The following KRT1 variants were observed in gnomAD, a reference collection of about 807,000 sequenced individuals.
KRT1 encodes keratin 1.
A neutral mutation model predicts 51.6 loss-of-function variants in KRT1; 28 were observed. The ratio of observed to expected loss-of-function variants is 0.54; its 90% CI spans 0.40 to 0.74. The LOEUF is 0.74. Ranked by LOEUF, KRT1 falls within the 30% of genes least tolerant of loss-of-function variation. The pLI is 0.00. For missense variants in KRT1, 783 were observed against 815.5 expected (o/e 0.96, Z 0.49); for synonymous variants, 301 against 307.7 (o/e 0.98, Z 0.23).
chr12:52,677,707 C>T lies in KRT1; in HGVS notation c.906G>A (p.Gln302=). The change falls in exon 4 of 9, where the codon CAG becomes CAA. Residue 302 remains glutamine, a synonymous_variant. Transcript: ENST00000252244. Reference sequence around the variant, plus strand: ...CCTGCTGCAAGTTGTCAAGTTTGGCCTGAAGGTCCACCTTGGTCATATAAG... The same window carrying T: ...CCTGCTGCAAGTTGTCAAGTTTGGCTTGAAGGTCCACCTTGGTCATATAAG... The part of the protein sequence containing the change: ...DGAYMTKVDL[Q]AKLDNLQQEI... 1 of 1,614,178 alleles carries T rather than the reference C, an allele frequency of 6.2e-7. No individual in the cohort carries two copies. Among genetic ancestry groups the T allele is most frequent in the African/African-American group, 1.3e-5 (1 of 75,036 alleles).
chr12:52,677,419 T>C lies in KRT1; in HGVS notation c.1025A>G (p.Asn342Ser). 6.2e-7 allele frequency: 1 copy of C among 1,614,242 alleles called. No individual in the cohort carries two copies. Among genetic ancestry groups the C allele is most frequent in the Non-Finnish European group, 8.5e-7 (1 of 1,180,044 alleles). Residue 342 changes from asparagine to serine, a missense_variant, in exon 5 of 9, where the codon AAC (asparagine) becomes AGC (serine). By Grantham distance (46) the Asn-to-Ser change is conservative (BLOSUM62 1). Transcript: ENST00000252244. ...GATGCTGTCCAGGTCGAGACTGCGG[T>C]TGTTGTCCATAGAGAGGATGACATT... Reference protein sequence around the residue: ...ETNVILSMDNNRSLDLDSIIA... With the variant: ...ETNVILSMDNSRSLDLDSIIA...
In KRT1 at chr12:52,678,663, G is replaced by A. The variant is rs1941544219; in HGVS notation, c.685C>T (p.Pro229Ser). Residue 229 changes from proline to serine, a missense_variant, in exon 2 of 9, where the codon CCC (proline) becomes TCC (serine). Physicochemically the swap from Pro to Ser is moderately conservative, Grantham distance 74. Coordinates refer to ENST00000252244, the MANE Select transcript of KRT1 (RefSeq NM_006121.4). ...DTSTRTHNLE[P>S]YFESFINNLR... ...TTGTTGATGAATGACTCAAAGTAGG[G>A]CTCTAAATTATGGGTTCTAGTGGAG... 1.9e-6 allele frequency: 3 copies of A among 1,614,074 alleles called. No homozygotes were observed. The South Asian group carries it at 3.3e-5, about 18-fold the overall frequency.
In KRT1 at chr12:52,678,586, C is replaced by G. The variant is rs2741155; in HGVS notation, c.762G>C (p.Ser254=). 5 of 1,614,204 alleles carry G rather than the reference C, an allele frequency of 3.1e-6. No homozygotes were observed. Among genetic ancestry groups the G allele is most frequent in the Non-Finnish European group, 4.2e-6 (5 of 1,180,038 alleles). ...QLKSDQSRLD[S]ELKNMQDMVE... ...CCATGTCCTGCATGTTCTTCAGTTCCGAATCCAACCGAGATTGATCACTCT... is the reference window on the plus strand; with the variant it reads ...CCATGTCCTGCATGTTCTTCAGTTCGGAATCCAACCGAGATTGATCACTCT... Residue 254 remains serine, a synonymous_variant, in exon 2 of 9, where the codon TCG becomes TCC. Transcript: ENST00000252244.
Position 52,674,906 on chromosome 12 carries a change from C to T in KRT1, c.*287G>A, listed in dbSNP as rs867717534. ...GTCTAACTGGTCCTACTCTGGCTGGCTTAAGGAGGTGCTTTGAAATGTCAT... is the reference window on the plus strand; with the variant it reads ...GTCTAACTGGTCCTACTCTGGCTGGTTTAAGGAGGTGCTTTGAAATGTCAT... On this transcript the variant is annotated 3_prime_UTR_variant, in exon 9 of 9. Coordinates refer to ENST00000252244, the MANE Select transcript of KRT1 (RefSeq NM_006121.4). 1 of 564,492 alleles carries T rather than the reference C, an allele frequency of 1.8e-6. No homozygotes were observed. Among genetic ancestry groups the T allele is most frequent in the Admixed American group, 2.9e-5 (1 of 33,904 alleles). The allele number at this position is 564,492 out of a possible 1,614,324, so 35.0% of individuals were successfully genotyped here. A position where few individuals can be genotyped will look rare whatever the true frequency, so the allele number is the denominator to read the frequency against.
At position 52,677,120 on chromosome 12, in the gene KRT1, A is replaced by C; in HGVS notation, c.1193T>G (p.Ile398Ser). 6.2e-7 allele frequency: 1 copy of C among 1,614,094 alleles called. No homozygotes were observed. The highest frequency in any genetic ancestry group is 8.5e-7 in the Non-Finnish European group (1 of 1,180,038). ...CTGGATCACACGATTCAGCTCAGAA[A>C]TTTCTATCTTTGAATTTCTCACACT... ...GDSVRNSKIE[I>S]SELNRVIQRL... is the part of the protein sequence containing the mutation. The change falls in exon 6 of 9, where the codon ATT (isoleucine) becomes AGT (serine). Residue 398 changes from isoleucine to serine, a missense_variant. By Grantham distance (142) the Ile-to-Ser change is moderately radical (BLOSUM62 -2). Transcript: ENST00000252244.
At chr12:52,676,948 AATGTAGCCTTGGG>A in intron 6 of KRT1, 98 bp downstream of exon 6, 1 of 1,387,900 alleles carries the variant, frequency 7.2e-7, no homozygotes, top group Non-Finnish European at 1.0e-6. Context: ...CAGGGATAAT[AATGTAGCCTTGGG>A]ATGAATTGCA....
chr12:52,680,068 T>A lies in KRT1; in HGVS notation c.281A>T (p.Tyr94Phe), dbSNP rs2741152. 2 of 1,551,704 alleles carry A rather than the reference T, an allele frequency of 1.3e-6. No homozygotes were observed. Among genetic ancestry groups the A allele is most frequent in the Non-Finnish European group, 1.7e-6 (2 of 1,148,038 alleles). ...GGRGSGFGGG[Y>F]GGGGFGGGGF... The stretch of plus-strand genomic sequence containing the variant: ...ACCACCACCAAAGCCACCACCACCA[T>A]AACCACCACCAAAGCCACTACCACG... The change falls in exon 1 of 9, where the codon TAT becomes TTT. Residue 94 changes from tyrosine (Y) to phenylalanine (F), a missense_variant. Transcript: ENST00000252244.
Position 52,677,334 on chromosome 12 carries a change from C to T in KRT1, c.1110G>A (p.Glu370=), listed in dbSNP as rs1308392115. 4 of 1,614,256 alleles carry T rather than the reference C, an allele frequency of 2.5e-6. No homozygotes were observed. Among genetic ancestry groups the T allele is most frequent in the Non-Finnish European group, 3.4e-6 (4 of 1,180,050 alleles). The change falls in exon 5 of 9, where the codon GAG becomes GAA. Residue 370 remains glutamate, a synonymous_variant. Transcript: ENST00000252244. ...DIAQKSKAEA[E]SLYQSKYEEL... ...CACTCACCTTGCTCTGGTACAAGGACTCGGCCTCAGCTTTGCTCTTCTGGG... is the reference window on the plus strand; with the variant it reads ...CACTCACCTTGCTCTGGTACAAGGATTCGGCCTCAGCTTTGCTCTTCTGGG...
chr12:52,675,504 C>G lies in KRT1; in HGVS notation c.1624G>C (p.Gly542Arg). 2 of 1,554,730 alleles carry G rather than the reference C, an allele frequency of 1.3e-6. No individual in the cohort carries two copies. The highest frequency in any genetic ancestry group is 1.8e-6 in the Non-Finnish European group (2 of 1,135,100). The change falls in exon 9 of 9, where the codon GGA becomes CGA. Residue 542 changes from glycine (G) to arginine (R), a missense_variant. Physicochemically the swap from Gly to Arg is moderately radical, Grantham distance 125. Transcript: ENST00000252244. ...YGSGGGSYGS[G>R]GGGGGGRGSY... The stretch of plus-strand genomic sequence containing the variant: ...CCACGGCCGCCGCCGCCGCCACCTC[C>G]AGAACCATAGCTACCACCTCCGGAG...
intron 6 of KRT1, 88 bp downstream of exon 6, chr12:52,676,970 CA>C: frequency 6.5e-7 from 1 of 1,540,072 alleles, no homozygotes; most frequent in Non-Finnish European, 8.9e-7. Flanking sequence ...GGATGAATTG[CA>C]AGATTCAAAA....
Position 52,678,792 on chromosome 12 carries a change from A to G in KRT1, c.592-36T>C, listed in dbSNP as rs746484676. 5.8e-6 allele frequency: 9 copies of G among 1,554,770 alleles called. No homozygotes were observed. In the African/African-American group the frequency reaches 1.2e-4, roughly 21 times the overall value. ...AAGACCCCTTTACTCCTGATGCATA[A>G]ATGGAGTCTCATAGCCATGGAGAAC... is the stretch of plus-strand genomic sequence containing the variant. On this transcript the variant is annotated intron_variant, in intron 1 of 8. Transcript: ENST00000252244.
chr12:52,680,042 C>CACCACCACCAAAGCCACCACCACCATA lies in KRT1; in HGVS notation c.280_306dup (p.Tyr94_Gly102dup). The CACCACCACCAAAGCCACCACCACCATA allele has an allele frequency of 6.4e-7, 1 of 1,556,886 alleles. No individual in the cohort carries two copies. The highest frequency in any genetic ancestry group is 8.7e-7 in the Non-Finnish European group (1 of 1,149,984). The stretch of plus-strand genomic sequence containing the variant: ...CCACCAAAGCCACCACCACCAAAGC[C>CACCACCACCAAAGCCACCACCACCATA]ACCACCACCAAAGCCACCACCACCA... On this transcript the variant is annotated inframe_insertion, in exon 1 of 9. Transcript: ENST00000252244.
At chr12:52,676,525 T>C (rs769587823) in intron 6 of KRT1, 30 bp from the exon 7 acceptor site, 5 of 1,609,542 alleles carry the variant, frequency 3.1e-6, no homozygotes, top group Non-Finnish European at 4.2e-6. Context: ...CCTCTCATAA[T>C]ATGCATTCCC....
At chr12:52,678,101 A>C in intron 3 of KRT1, 62 bp downstream of exon 3, 1 of 1,524,482 alleles carries the variant, frequency 6.6e-7, no homozygotes, top group Non-Finnish European at 9.1e-7. Flanking sequence ...CTGCTTAGTA[A>C]TTGGAGACCC....
chr12:52,676,996 G>T, intron 6 of KRT1, 63 bp downstream of exon 6: 2 of 1,595,766 alleles, frequency 1.3e-6, no homozygotes, highest in Admixed American at 1.7e-5. Context: ...GAAAGCACTC[G>T]CCCTTTACCT....
At chr12:52,678,086 G>C in intron 3 of KRT1, 77 bp downstream of exon 3, 1 of 1,412,294 alleles carries the variant, frequency 7.1e-7, no homozygotes, top group Non-Finnish European at 1.0e-6. Flanking sequence ...TATCATGGCT[G>C]CTTTCTGCTT....
Position 52,678,173 on chromosome 12 carries a change from G to T in KRT1, c.857C>A (p.Thr286Asn). ...ACAGAATTTGCTTACCTTCTTGATG[G>T]TCACAAATTCATTCTCTGCATTTGT... is the stretch of plus-strand genomic sequence containing the variant. ...KRTNAENEFV[T>N]IKKDVDGAYM... Residue 286 changes from threonine to asparagine, a missense_variant, in exon 3 of 9, where the codon ACC (threonine) becomes AAC (asparagine). Transcript: ENST00000252244. The T allele has an allele frequency of 6.2e-7, 1 of 1,613,990 alleles. No homozygotes were observed. The highest frequency in any genetic ancestry group is 1.1e-5 in the South Asian group (1 of 91,066).
intron 1 of KRT1, 84 bp downstream of exon 1, chr12:52,679,673 GA>G (rs1941557288): frequency 1.7e-6 from 2 of 1,146,926 alleles, no homozygotes; most frequent in Non-Finnish European, 2.6e-6. Context: ...ATGGAAACTT[GA>G]GGTTCAAACC....
chr12:52,675,741 C>T lies in KRT1; in HGVS notation c.1479G>A (p.Met493Ile), dbSNP rs2120999141. 3 of 1,614,198 alleles carry T rather than the reference C, an allele frequency of 1.9e-6. No individual in the cohort carries two copies. The highest frequency in any genetic ancestry group is 2.5e-6 in the Non-Finnish European group (3 of 1,180,050). ...TCACGTTCGGGGCACATTCTCCAGACATCCTGTAGGAGAAAATAAGAAAAT... is the reference window on the plus strand; with the variant it reads ...TCACGTTCGGGGCACATTCTCCAGATATCCTGTAGGAGAAAATAAGAAAAT... ...RTLLEGEESRMSGECAPNVSV... is the reference protein window; with the variant it reads ...RTLLEGEESRISGECAPNVSV... Residue 493 changes from methionine to isoleucine, a missense_variant, in exon 8 of 9, where the codon ATG (methionine) becomes ATA (isoleucine). Physicochemically the swap from Met to Ile is conservative, Grantham distance 10. Coordinates refer to ENST00000252244, the MANE Select transcript of KRT1 (RefSeq NM_006121.4).
Sources: gnomAD v4.1 joint callset for allele counts on GRCh38, gnomAD v4.1.1 for gene constraint, MANE v1.5 for transcripts, NCBI Gene and HGNC (gene_info 2026-07-23, HGNC 2026-07-21) for gene names.